BABAM2: variants seen among roughly 807,000 people sequenced by gnomAD.
The protein encoded by BABAM2 is BRISC and BRCA1-A complex member 2.
Under a neutral mutation model 54.7 loss-of-function variants are expected in BABAM2, and 31 were observed. That is an observed-to-expected ratio of 0.57 (90% CI 0.43 to 0.77). BABAM2 has a LOEUF of 0.77. BABAM2 is among the 30% of genes least tolerant of loss of function. BABAM2 has a pLI of 0.00. For missense variants in BABAM2, 364 were observed against 455.8 expected, an observed-to-expected ratio of 0.80 and a Z score of 1.83; for synonymous variants, 167 against 162.9, an observed-to-expected ratio of 1.03 and a Z score of -0.19.
chr2:28,109,947 A>G (rs1269299027), intron 6 of BABAM2, among the ~76,000 whole-genome samples: 1 of 152,186 alleles, frequency 6.6e-6, no homozygotes, highest in African/African-American at 2.4e-5. Flanking sequence ...CATTGATAAT[A>G]ATGTTGTGCG....
intron 2 of BABAM2, among the ~76,000 whole-genome samples, chr2:27,924,034 G>A (rs1226272272): frequency 1.3e-5 from 2 of 152,012 alleles, no homozygotes; most frequent in African/African-American, 4.8e-5. Flanking sequence ...TTTCAAATCC[G>A]GCCACATTTT....
At chr2:28,063,148 C>G (rs1411153511) in intron 6 of BABAM2, among the ~76,000 whole-genome samples, 1 of 152,128 alleles carries the variant, frequency 6.6e-6, no homozygotes, top group African/African-American at 2.4e-5. Context: ...CTTCCTAGGA[C>G]ATTTACAAAC....
intron 10 of BABAM2, among the ~76,000 whole-genome samples, chr2:28,279,815 C>A (rs566357853): frequency 1.3e-5 from 2 of 151,792 alleles, no homozygotes; most frequent in African/African-American, 2.4e-5. Flanking sequence ...TACAGGCATG[C>A]GCCACCACGC....
At chr2:28,292,891 A>G (rs943797549) in intron 10 of BABAM2, among the ~76,000 whole-genome samples, 1 of 152,150 alleles carries the variant, frequency 6.6e-6, no homozygotes, top group Non-Finnish European at 1.5e-5. Flanking sequence ...AAGGATGGAG[A>G]ATGGCTGTTA....
intron 6 of BABAM2, among the ~76,000 whole-genome samples, chr2:28,072,894 A>T (rs1413791396): frequency 6.6e-6 from 1 of 152,246 alleles, no homozygotes; most frequent in Non-Finnish European, 1.5e-5. Context: ...TCCAATAATT[A>T]TCACAAGGTT....
In BABAM2 at chr2:28,311,027, C is replaced by T. The variant is rs563821336; in HGVS notation, c.1088+12536C>T. ...CTGTAATCCCAGCACTTTGGGAGGCCGAGGCAGGCGGATCACAAGGTCAGG... is the reference window on the plus strand; with the variant it reads ...CTGTAATCCCAGCACTTTGGGAGGCTGAGGCAGGCGGATCACAAGGTCAGG... On this transcript the variant is annotated intron_variant, in intron 11 of 11. Transcript: ENST00000379624. 2.2e-3 allele frequency among the ~76,000 whole-genome samples: 334 copies of T among 152,028 alleles called. 2 individuals are homozygous for T. Among genetic ancestry groups the T allele is most frequent in the Middle Eastern group, 3.4e-3 (1 of 294 alleles).
chr2:27,939,383 C>G (rs960745962), intron 3 of BABAM2, among the ~76,000 whole-genome samples: 2 of 152,100 alleles, frequency 1.3e-5, no homozygotes, highest in Non-Finnish European at 2.9e-5. Context: ...TAAATTAAAT[C>G]TTTAGTCTCT....
At chr2:28,213,990 G>A (rs921537191) in intron 7 of BABAM2, among the ~76,000 whole-genome samples, 1 of 151,540 alleles carries the variant, frequency 6.6e-6, no homozygotes, top group African/African-American at 2.4e-5. Flanking sequence ...ATAAAGGCAG[G>A]AAGTTAGCAG....
chr2:27,947,837 A>G (rs952829870), intron 3 of BABAM2, among the ~76,000 whole-genome samples: 5 of 152,208 alleles, frequency 3.3e-5, no homozygotes, highest in African/African-American at 2.4e-5. Context: ...GTATCATCTG[A>G]TGAAAAGAAT....
At chr2:28,281,040 T>C (rs2148193279) in intron 10 of BABAM2, among the ~76,000 whole-genome samples, 1 of 152,314 alleles carries the variant, frequency 6.6e-6, no homozygotes, top group East Asian at 1.9e-4. Context: ...TTATTTCCAA[T>C]CTGATTTTTT....
At chr2:28,258,451 T>G (rs1573946798) in intron 10 of BABAM2, among the ~76,000 whole-genome samples, 1 of 152,164 alleles carries the variant, frequency 6.6e-6, no homozygotes, top group Non-Finnish European at 1.5e-5. Flanking sequence ...ATTGTCATTC[T>G]TTTTAAGTTT....
chr2:27,891,765 A>G (rs1453875134), intron 1 of BABAM2, among the ~76,000 whole-genome samples: 1 of 142,136 alleles, frequency 7.0e-6, no homozygotes, highest in African/African-American at 2.7e-5. Flanking sequence ...TACTGCGTGA[A>G]ACCTTGCACT....
intron 2 of BABAM2, among the ~76,000 whole-genome samples, chr2:27,924,420 T>G (rs1055878157): frequency 6.6e-6 from 1 of 152,120 alleles, no homozygotes; most frequent in African/African-American, 2.4e-5. Context: ...AGTCTCGCTC[T>G]GTTGCCCAGG....
chr2:28,079,311 G>A (rs1481213308), intron 6 of BABAM2, among the ~76,000 whole-genome samples: 1 of 152,014 alleles, frequency 6.6e-6, no homozygotes, highest in Non-Finnish European at 1.5e-5. Flanking sequence ...GGCTAGATTG[G>A]CATTCATTAT....
chr2:28,116,251 G>A (rs1446368960), intron 6 of BABAM2, among the ~76,000 whole-genome samples: 2 of 152,076 alleles, frequency 1.3e-5, no homozygotes, highest in African/African-American at 2.4e-5. Context: ...TTCTGTACAG[G>A]GCCTTCCCAT....
chr2:28,176,894 G>A (rs1450764270), intron 7 of BABAM2, among the ~76,000 whole-genome samples: 3 of 150,444 alleles, frequency 2.0e-5, no homozygotes, highest in African/African-American at 4.9e-5. Flanking sequence ...TGAACAAAGT[G>A]TATATGACAT....
chr2:28,248,083 T>A (rs1188774074), intron 10 of BABAM2, among the ~76,000 whole-genome samples: 1 of 152,140 alleles, frequency 6.6e-6, no homozygotes, highest in Non-Finnish European at 1.5e-5. Context: ...TAGGAAACTT[T>A]CCTGGCCATC....
intron 3 of BABAM2, among the ~76,000 whole-genome samples, chr2:27,967,828 G>T (rs1338658543): frequency 6.6e-6 from 1 of 152,192 alleles, no homozygotes; most frequent in Non-Finnish European, 1.5e-5. Flanking sequence ...GCGGCATTTT[G>T]CCCCTGCCCT....
intron 11 of BABAM2, among the ~76,000 whole-genome samples, chr2:28,300,703 T>C (rs1399512877): frequency 6.6e-6 from 1 of 152,188 alleles, no homozygotes; most frequent in African/African-American, 2.4e-5. Flanking sequence ...CTTTAAGAAG[T>C]TGCAGACCAC....
Sources: allele counts gnomAD v4.1 joint callset (sites outside exome capture counted in the v4.1 genomes callset), GRCh38; gene constraint gnomAD v4.1.1; transcripts MANE v1.5; gene names NCBI Gene and HGNC (gene_info 2026-07-23, HGNC 2026-07-21).